CCBE1: variants seen among roughly 807,000 people sequenced by gnomAD.
The protein encoded by CCBE1 is collagen and calcium binding EGF domains 1.
A neutral mutation model predicts 50.0 loss-of-function variants in CCBE1; 37 were observed. That is an observed-to-expected ratio of 0.74 (90% CI 0.57 to 0.97). CCBE1 has a LOEUF of 0.97. Ranked by LOEUF, CCBE1 falls within the 50% of genes least tolerant of loss-of-function variation. The probability of loss-of-function intolerance (pLI) is 0.00; values close to 1 mark genes in which losing one functional copy is unlikely to be tolerated. For missense variants in CCBE1, 538 were observed against 523.8 expected (o/e 1.03, Z -0.26); for synonymous variants, 234 against 203.7 (o/e 1.15, Z -1.27).
In CCBE1 at chr18:59,432,750, T is replaced by C. The variant is rs1375661357; in HGVS notation, c.*3158A>G. The C allele has an allele frequency of 6.6e-6, 1 of 152,206 alleles. No homozygotes were observed. Among genetic ancestry groups the C allele is most frequent in the Non-Finnish European group, 1.5e-5 (1 of 68,048 alleles). 9.4% of individuals were successfully genotyped at this position (152,206 alleles called of 1,614,324 possible). On this transcript the variant is annotated 3_prime_UTR_variant, in exon 11 of 11. Transcript: ENST00000439986. ...GAATAGTTTCATGAAACCCAGACAA[T>C]ACTACTTTCCATTAATTCTTTTAAT...
intron 2 of CCBE1, among the ~76,000 whole-genome samples, chr18:59,495,969 T>A (rs1449046028): frequency 6.6e-6 from 1 of 152,220 alleles, no homozygotes; most frequent in Non-Finnish European, 1.5e-5. Context: ...TAGGGTATAC[T>A]CTTTTAAAAC....
intron 2 of CCBE1, among the ~76,000 whole-genome samples, chr18:59,515,601 AAATT>A (rs1465801335): frequency 2.0e-5 from 3 of 152,202 alleles, no homozygotes; most frequent in African/African-American, 7.2e-5. Flanking sequence ...AGTTTGATGA[AAATT>A]AATTAAATAG....
At chr18:59,490,435 T>C (rs1172131629) in intron 2 of CCBE1, among the ~76,000 whole-genome samples, 1 of 141,346 alleles carries the variant, frequency 7.1e-6, no homozygotes, top group Non-Finnish European at 1.6e-5. Flanking sequence ...TGAGCATGAA[T>C]TGATTTTGTA....
intron 2 of CCBE1, among the ~76,000 whole-genome samples, chr18:59,650,831 G>A (rs986730860): frequency 1.3e-5 from 2 of 151,422 alleles, no homozygotes; most frequent in African/African-American, 4.9e-5. Flanking sequence ...TTGGAAATAG[G>A]CTTAGTCCTC....
chr18:59,549,436 A>G (rs947118516), intron 2 of CCBE1, among the ~76,000 whole-genome samples: 1 of 152,170 alleles, frequency 6.6e-6, no homozygotes, highest in Non-Finnish European at 1.5e-5. Flanking sequence ...AGGTCCCCCA[A>G]CGCCAACCGA....
intron 2 of CCBE1, among the ~76,000 whole-genome samples, chr18:59,583,656 T>C (rs904701426): frequency 3.6e-5 from 4 of 109,790 alleles, no homozygotes; most frequent in Admixed American, 8.9e-5. Context: ...CTGCTTTGCG[T>C]GTGTGTGTGT....
intron 2 of CCBE1, among the ~76,000 whole-genome samples, chr18:59,691,209 T>C (rs1017835664): frequency 7.9e-5 from 12 of 152,244 alleles, no homozygotes; most frequent in Non-Finnish European, 1.3e-4. Context: ...TGTCCAGGCA[T>C]GGAGCTAGCC....
intron 2 of CCBE1, among the ~76,000 whole-genome samples, chr18:59,658,522 T>G (rs2054236344): frequency 6.9e-6 from 1 of 144,446 alleles, no homozygotes; most frequent in African/African-American, 2.5e-5. Context: ...GAGCTGTGAT[T>G]GTGCCACTGC....
intron 2 of CCBE1, among the ~76,000 whole-genome samples, chr18:59,675,465 T>A (rs1156898979): frequency 1.3e-5 from 2 of 152,214 alleles, no homozygotes; most frequent in Non-Finnish European, 2.9e-5. Context: ...GACTACTGAA[T>A]TAAAATGAAA....
intron 2 of CCBE1, among the ~76,000 whole-genome samples, chr18:59,524,761 G>A (rs994755929): frequency 7.6e-6 from 1 of 132,224 alleles, no homozygotes; most frequent in East Asian, 2.1e-4. Flanking sequence ...CACACCCCTC[G>A]ATAGGCCCCA....
chr18:59,454,884 C>T lies in CCBE1; in HGVS notation c.621G>A (p.Gln207=), dbSNP rs1201228973. Residue 207 remains glutamine (Q), a synonymous_variant, in exon 6 of 11, where the codon CAG becomes CAA. Coordinates refer to ENST00000439986, the MANE Select transcript of CCBE1 (RefSeq NM_133459.4). Reference sequence around the variant, plus strand: ...TCAGCTGCAGCACGGTCTGCTTCATCTGGTAGAACTCCTTGCATGTGGCAC... The same window carrying T: ...TCAGCTGCAGCACGGTCTGCTTCATTTGGTAGAACTCCTTGCATGTGGCAC... ...TCCATCKEFY[Q]MKQTVLQLKQ... The T allele has an allele frequency of 6.2e-7, 1 of 1,614,262 alleles. No homozygotes were observed. Among genetic ancestry groups the T allele is most frequent in the Non-Finnish European group, 8.5e-7 (1 of 1,180,054 alleles).
At chr18:59,580,502 A>G (rs1318471294) in intron 2 of CCBE1, among the ~76,000 whole-genome samples, 1 of 152,226 alleles carries the variant, frequency 6.6e-6, no homozygotes. Context: ...CAGCCTTGGC[A>G]AAATACACTT....
At position 59,692,995 on chromosome 18, in the gene CCBE1, C is replaced by A. The variant is rs866174973; in HGVS notation, c.212+3634G>T. 6.7e-3 allele frequency among the ~76,000 whole-genome samples: 875 copies of A among 131,412 alleles called. 11 individuals carry two copies. Among genetic ancestry groups the A allele is most frequent in the African/African-American group, 0.024 (832 of 34,484 alleles). The allele number at this position is 131,412 out of a possible 152,430, so 86.2% of individuals were successfully genotyped here. A position where few individuals can be genotyped will look rare whatever the true frequency, so the allele number is the denominator to read the frequency against. On this transcript the variant is annotated intron_variant, in intron 2 of 10. Transcript: ENST00000439986. ...ACACACACACACACACACACACACA[C>A]ACACACACAAACAAAAAACGCAAAG...
At chr18:59,561,841 C>T (rs962544371) in intron 2 of CCBE1, among the ~76,000 whole-genome samples, 83 of 152,232 alleles carry the variant, frequency 5.5e-4, no homozygotes, top group African/African-American at 1.7e-3. Context: ...CTCAAGCAGC[C>T]GAGACAGGGT....
At chr18:59,469,428 A>G (rs1377895589) in intron 4 of CCBE1, 45 bp downstream of exon 4, 5 of 1,613,774 alleles carry the variant, frequency 3.1e-6, no homozygotes, top group Middle Eastern at 1.7e-4. Flanking sequence ...CCATCTGAAC[A>G]AGGCACATGT....
chr18:59,561,452 G>GA (rs1162696746), intron 2 of CCBE1, among the ~76,000 whole-genome samples: 1 of 152,202 alleles, frequency 6.6e-6, no homozygotes, highest in East Asian at 1.9e-4. Flanking sequence ...GACCGAGGCA[G>GA]ACATCCGGCC....
intron 2 of CCBE1, among the ~76,000 whole-genome samples, chr18:59,518,415 T>C (rs1388319990): frequency 6.6e-6 from 1 of 152,214 alleles, no homozygotes; most frequent in Non-Finnish European, 1.5e-5. Flanking sequence ...CACTTGAACT[T>C]GGGAGGCAGA....
intron 2 of CCBE1, among the ~76,000 whole-genome samples, chr18:59,649,747 A>G (rs953350275): frequency 6.6e-6 from 1 of 152,104 alleles, no homozygotes; most frequent in Non-Finnish European, 1.5e-5. Context: ...CTCACAACAC[A>G]AAAGTAAAAG....
At chr18:59,451,119 T>A (rs187382888) in intron 6 of CCBE1, among the ~76,000 whole-genome samples, 4 of 152,286 alleles carry the variant, frequency 2.6e-5, no homozygotes, top group African/African-American at 4.8e-5. Context: ...TCAGGCAGAA[T>A]CCTCTCCGTA....
Sources: allele counts gnomAD v4.1 joint callset (sites outside exome capture counted in the v4.1 genomes callset), GRCh38; gene constraint gnomAD v4.1.1; transcripts MANE v1.5; gene names NCBI Gene and HGNC (gene_info 2026-07-23, HGNC 2026-07-21).